Variants in SLC39A11 observed in about 807,000 individuals in gnomAD.
The protein encoded by SLC39A11 is solute carrier family 39 member 11.
In SLC39A11, 33 loss-of-function variants were observed where a neutral mutation model predicts 36.1. That is an observed-to-expected ratio of 0.91 (90% CI 0.69 to 1.22). The LOEUF (loss-of-function observed/expected upper bound fraction) is 1.22. Ranked by LOEUF, SLC39A11 falls within the 50% of genes most tolerant of loss-of-function variation. The probability of loss-of-function intolerance (pLI) is 0.00; values close to 1 mark genes in which losing one functional copy is unlikely to be tolerated. For synonymous variants in SLC39A11, 166 were observed against 170.3 expected, an observed-to-expected ratio of 0.97 and a Z score of 0.20; for missense variants, 432 against 430.3, an observed-to-expected ratio of 1.00 and a Z score of -0.03.
intron 3 of SLC39A11, among the ~76,000 whole-genome samples, chr17:73,055,331 C>A (rs2059630313): frequency 6.6e-6 from 1 of 152,146 alleles, no homozygotes; most frequent in Admixed American, 6.6e-5. Flanking sequence ...GAGGTAGGAC[C>A]TGTTTAAGCC....
chr17:72,824,720 T>C lies in SLC39A11; in HGVS notation c.601+24914A>G, dbSNP rs1488980838. Among the ~76,000 whole-genome samples the C allele has an allele frequency of 2.0e-5, 3 of 151,306 alleles. 1 individual carries two copies. Among genetic ancestry groups the C allele is most frequent in the Non-Finnish European group, 4.4e-5 (3 of 67,536 alleles). ...GGGAACTGAAGTAAAGGTCACTTGC[T>C]ATGCCTGAGCAAAGAGACTGCTGAC... On this transcript the variant is annotated intron_variant, in intron 6 of 9. Transcript: ENST00000255559.
intron 3 of SLC39A11, among the ~76,000 whole-genome samples, chr17:73,059,096 A>G (rs2059760286): frequency 6.6e-6 from 1 of 152,224 alleles, no homozygotes; most frequent in Non-Finnish European, 1.5e-5. Flanking sequence ...GTCATTTCTT[A>G]GTTAAAATAC....
At chr17:72,949,456 C>T (rs544605332) in intron 4 of SLC39A11, among the ~76,000 whole-genome samples, 2 of 151,948 alleles carry the variant, frequency 1.3e-5, no homozygotes, top group African/African-American at 2.4e-5. Context: ...CCACTGCACC[C>T]GGCCAGCTTT....
intron 3 of SLC39A11, among the ~76,000 whole-genome samples, chr17:73,048,819 A>T (rs987042013): frequency 6.6e-6 from 1 of 152,196 alleles, no homozygotes; most frequent in Non-Finnish European, 1.5e-5. Flanking sequence ...GCAGCCAATG[A>T]CTTGAGAAAA....
chr17:72,849,558 T>A, intron 6 of SLC39A11, 76 bp downstream of exon 6: 2 of 1,406,340 alleles, frequency 1.4e-6, no homozygotes, highest in South Asian at 1.8e-5. Flanking sequence ...CCTTCCCCTT[T>A]TCCAGCCAGA....
At chr17:72,705,767 CT>C (rs2072865789) in intron 7 of SLC39A11, among the ~76,000 whole-genome samples, 1 of 152,218 alleles carries the variant, frequency 6.6e-6, no homozygotes, top group Non-Finnish European at 1.5e-5. Context: ...CCATTCTGAG[CT>C]CCAGGGATCA....
intron 3 of SLC39A11, among the ~76,000 whole-genome samples, chr17:73,069,764 T>C (rs1053284577): frequency 6.6e-5 from 10 of 152,330 alleles, no homozygotes; most frequent in Admixed American, 5.2e-4. Flanking sequence ...AAAGAATTGA[T>C]ACTCAGTAAG....
intron 5 of SLC39A11, among the ~76,000 whole-genome samples, chr17:72,908,588 C>A (rs1033782333): frequency 6.6e-6 from 1 of 152,170 alleles, no homozygotes; most frequent in African/African-American, 2.4e-5. Context: ...GCCATCGAGG[C>A]GGATGGGTTT....
rs60211337 is a variant in SLC39A11 at position 72,967,425 on chromosome 17, TTA to T, written c.307-19552_307-19551del. 3.5e-3 allele frequency among the ~76,000 whole-genome samples: 515 copies of T among 148,648 alleles called. 8 individuals are homozygous for T. Among genetic ancestry groups the T allele is most frequent in the African/African-American group, 0.012 (491 of 41,072 alleles). ...GTGTGTGTGTGTGTGTGTTTTCCTT[TTA>T]TCTAGAAGACCAGCTCCTAAGCATA... On this transcript the variant is annotated intron_variant, in intron 4 of 9. Transcript: ENST00000255559.
chr17:72,977,769 T>C (rs2087970870), intron 4 of SLC39A11, among the ~76,000 whole-genome samples: 1 of 152,186 alleles, frequency 6.6e-6, no homozygotes, highest in Non-Finnish European at 1.5e-5. Context: ...ACGGTAGTGA[T>C]ATTATCCAAA....
At chr17:72,881,878 C>G (rs1234402406) in intron 5 of SLC39A11, among the ~76,000 whole-genome samples, 1 of 152,212 alleles carries the variant, frequency 6.6e-6, no homozygotes, top group Non-Finnish European at 1.5e-5. Context: ...AGCCACAGAT[C>G]AGGCTTATTT....
chr17:73,047,504 A>G (rs2059336286), intron 3 of SLC39A11, among the ~76,000 whole-genome samples: 2 of 152,144 alleles, frequency 1.3e-5, no homozygotes, highest in African/African-American at 4.8e-5. Flanking sequence ...ACATACAGAG[A>G]AACTTTCTTA....
intron 7 of SLC39A11, among the ~76,000 whole-genome samples, chr17:72,716,505 A>G (rs1567978006): frequency 6.6e-6 from 1 of 151,892 alleles, no homozygotes; most frequent in Non-Finnish European, 1.5e-5. Context: ...GCGGCCACAG[A>G]AAAAGGGAGG....
At chr17:72,787,847 C>A (rs2145010165) in intron 6 of SLC39A11, among the ~76,000 whole-genome samples, 2 of 152,136 alleles carry the variant, frequency 1.3e-5, no homozygotes, top group Middle Eastern at 3.4e-3. Context: ...CCCCAGCTGA[C>A]TCTCCCCCTC....
In SLC39A11 at chr17:72,899,124, A is replaced by G. The variant is rs959318436; in HGVS notation, c.430+48628T>C. On this transcript the variant is annotated intron_variant, in intron 5 of 9. Coordinates refer to ENST00000255559, the MANE Select transcript of SLC39A11 (RefSeq NM_139177.4). ...AACGTGATGACTTTCAGAGGTGGAC[A>G]TTAGCTGTGCTGCGCTGAAGGATGC... 3.9e-4 allele frequency among the ~76,000 whole-genome samples: 59 copies of G among 152,210 alleles called. 1 individual carries two copies. Among genetic ancestry groups the G allele is most frequent in the South Asian group, 1.4e-3 (7 of 4,830 alleles).
At position 72,730,994 on chromosome 17, in the gene SLC39A11, C is replaced by T. The variant is rs58680056; in HGVS notation, c.671+5656G>A. 2.3e-3 allele frequency among the ~76,000 whole-genome samples: 348 copies of T among 152,272 alleles called. 3 individuals carry two copies. The highest frequency in any genetic ancestry group is 7.9e-3 in the African/African-American group (328 of 41,554). On this transcript the variant is annotated intron_variant, in intron 7 of 9. Coordinates refer to ENST00000255559, the MANE Select transcript of SLC39A11 (RefSeq NM_139177.4). The stretch of plus-strand genomic sequence containing the variant: ...CTCGAACTCCTGACCTCAGGTGATC[C>T]GCCCGCCTCGGCCTCCCAGTGCTGG...
At chr17:72,898,555 C>T (rs926460201) in intron 5 of SLC39A11, among the ~76,000 whole-genome samples, 13 of 152,126 alleles carry the variant, frequency 8.5e-5, no homozygotes, top group African/African-American at 2.9e-4. Flanking sequence ...ATTCTGATTT[C>T]ATTGAAAACT....
chr17:72,776,032 A>G, intron 6 of SLC39A11, among the ~76,000 whole-genome samples: 1 of 152,192 alleles, frequency 6.6e-6, no homozygotes, highest in Non-Finnish European at 1.5e-5. Context: ...TCCCTGGATC[A>G]GGCTGGTCCA....
At chr17:72,776,073 C>A (rs1055059044) in intron 6 of SLC39A11, among the ~76,000 whole-genome samples, 5 of 152,206 alleles carry the variant, frequency 3.3e-5, no homozygotes, top group Non-Finnish European at 7.3e-5. Context: ...ATGGGCAGAC[C>A]CCCTGCTTGG....
Sources: gnomAD v4.1 joint callset for allele counts (sites outside exome capture counted in the v4.1 genomes callset) on GRCh38, gnomAD v4.1.1 for gene constraint, MANE v1.5 for transcripts, NCBI Gene and HGNC (gene_info 2026-07-23, HGNC 2026-07-21) for gene names.